RBFOX1: variants seen among roughly 807,000 people sequenced by gnomAD.
RBFOX1 encodes the protein RNA binding protein fox-1 homolog 1.
RBFOX1 carries 8 observed loss-of-function variants against 57.7 expected under a neutral mutation model. The ratio of observed to expected loss-of-function variants is 0.14; its 90% CI spans 0.08 to 0.25. The LOEUF is 0.25. Among genes scored for constraint, RBFOX1 ranks in the 10% least tolerant of loss-of-function variants. RBFOX1 has a pLI of 1.00. For missense variants in RBFOX1, 611 were observed against 548.5 expected, an observed-to-expected ratio of 1.11 and a Z score of -1.14; for synonymous variants, 326 against 222.4, an observed-to-expected ratio of 1.47 and a Z score of -4.15.
intron 4 of RBFOX1, among the ~76,000 whole-genome samples, chr16:7,162,013 C>T (rs1338492931): frequency 6.6e-6 from 1 of 152,178 alleles, no homozygotes; most frequent in Admixed American, 6.5e-5. Flanking sequence ...GTAAGGTTTT[C>T]CCACTGGGGC....
intron 3 of RBFOX1, among the ~76,000 whole-genome samples, chr16:7,028,609 CAAAAAAAAAA>C (rs869138217): frequency 0.013 from 598 of 45,418 alleles, 4 homozygotes; most frequent in African/African-American, 0.048. Context: ...CACACACACA[CAAAAAAAAAA>C]AAAAAAAAAA....
At chr16:6,575,470 G>A (rs1474036820) in intron 2 of RBFOX1, among the ~76,000 whole-genome samples, 1 of 152,134 alleles carries the variant, frequency 6.6e-6, no homozygotes. Flanking sequence ...CACATTTCTG[G>A]TCATAAAAGC....
chr16:5,700,995 G>C (rs752999660), intron 3 of RBFOX1, among the ~76,000 whole-genome samples: 1 of 152,082 alleles, frequency 6.6e-6, no homozygotes, highest in Admixed American at 6.5e-5. Context: ...AATGACACTG[G>C]GTAGGCAAAA....
chr16:7,154,660 T>G (rs527967731), intron 4 of RBFOX1, among the ~76,000 whole-genome samples: 1 of 151,554 alleles, frequency 6.6e-6, no homozygotes, highest in Non-Finnish European at 1.5e-5. Context: ...AAACTTAGTT[T>G]GGGAAATGGC....
At chr16:6,379,797 C>T (rs1372706543) in intron 2 of RBFOX1, among the ~76,000 whole-genome samples, 2 of 151,894 alleles carry the variant, frequency 1.3e-5, no homozygotes, top group Non-Finnish European at 2.9e-5. Context: ...GTCAGTTCCA[C>T]TAAGTTTTGT....
chr16:7,572,400 A>G (rs1287862983), intron 5 of RBFOX1, among the ~76,000 whole-genome samples: 1 of 152,182 alleles, frequency 6.6e-6, no homozygotes, highest in African/African-American at 2.4e-5. Flanking sequence ...AGCAGTTTCA[A>G]GTGGTACAGT....
chr16:7,499,895 GAAA>G (rs781549159), intron 4 of RBFOX1, among the ~76,000 whole-genome samples: 2 of 140,264 alleles, frequency 1.4e-5, no homozygotes, highest in African/African-American at 5.2e-5. Flanking sequence ...GCAAAAAAAA[GAAA>G]AAAAAAAAAC....
At chr16:5,723,952 C>T (rs564985589) in intron 3 of RBFOX1, among the ~76,000 whole-genome samples, 16 of 152,314 alleles carry the variant, frequency 1.1e-4, no homozygotes, top group African/African-American at 3.1e-4. Context: ...AAAACAGACT[C>T]GGCTTTGAAA....
At chr16:6,804,067 C>G (rs1268164040) in intron 3 of RBFOX1, among the ~76,000 whole-genome samples, 7 of 151,932 alleles carry the variant, frequency 4.6e-5, no homozygotes, top group African/African-American at 1.5e-4. Flanking sequence ...AGTGCAATGA[C>G]ATGATCTCAG....
intron 1 of RBFOX1, among the ~76,000 whole-genome samples, chr16:6,230,840 A>G (rs1165963835): frequency 6.6e-6 from 1 of 152,190 alleles, no homozygotes; most frequent in Non-Finnish European, 1.5e-5. Context: ...CTAAAGAAAC[A>G]TATACATAAA....
At chr16:5,283,840 T>C (rs575293158) in intron 1 of RBFOX1, among the ~76,000 whole-genome samples, 1 of 152,158 alleles carries the variant, frequency 6.6e-6, no homozygotes, top group Non-Finnish European at 1.5e-5. Context: ...TCTCAGTTAA[T>C]GCTGAACTTA....
intron 3 of RBFOX1, among the ~76,000 whole-genome samples, chr16:5,783,285 A>G (rs926361797): frequency 2.6e-5 from 4 of 152,222 alleles, no homozygotes; most frequent in African/African-American, 4.8e-5. Context: ...TGTATAAGAT[A>G]TCTCTCTCCT....
intron 3 of RBFOX1, among the ~76,000 whole-genome samples, chr16:6,870,168 T>C (rs956851777): frequency 3.3e-5 from 5 of 152,152 alleles, no homozygotes; most frequent in African/African-American, 1.2e-4. Context: ...GATGAATGAG[T>C]TTAGGGTTTG....
intron 3 of RBFOX1, among the ~76,000 whole-genome samples, chr16:7,015,479 C>T (rs1413761760): frequency 1.3e-5 from 2 of 152,110 alleles, no homozygotes; most frequent in African/African-American, 2.4e-5. Context: ...CATCAGTGTT[C>T]AGACAGAGGC....
Position 6,779,773 on chromosome 16 carries a change from ATTTATATATATTTTTATATATACT to A in RBFOX1, c.-16+125133_-16+125156del, listed in dbSNP as rs2080072925. Among the ~76,000 whole-genome samples the A allele has an allele frequency of 3.2e-4, 2 of 6,346 alleles. 1 individual carries two copies. Among genetic ancestry groups the A allele is most frequent in the South Asian group, 8.1e-3 (2 of 248 alleles). 4.2% of individuals were successfully genotyped at this position (6,346 alleles called of 152,430 possible). A position where few individuals can be genotyped will look rare whatever the true frequency, so the allele number is the denominator to read the frequency against. Reference sequence around the variant, plus strand: ...TATACTTTTATATATTTATATATATATTTATATATATTTTTATATATACTTTTATATATTTATATATATATTTAT... The same window carrying A: ...TATACTTTTATATATTTATATATATATTTATATATTTATATATATATTTAT... On this transcript the variant is annotated intron_variant, in intron 3 of 15. Coordinates refer to ENST00000550418, the MANE Select transcript of RBFOX1 (RefSeq NM_018723.4).
intron 2 of RBFOX1, among the ~76,000 whole-genome samples, chr16:5,476,857 C>T (rs2069343026): frequency 6.6e-6 from 1 of 152,130 alleles, no homozygotes; most frequent in Admixed American, 6.5e-5. Context: ...GGCAGCCCTC[C>T]AAGTTAACCT....
intron 3 of RBFOX1, among the ~76,000 whole-genome samples, chr16:6,892,147 C>CA (rs1356114608): frequency 9.2e-5 from 14 of 152,236 alleles, no homozygotes; most frequent in Non-Finnish European, 4.4e-5. Context: ...TTGGTGATTG[C>CA]AGACCCTCTT....
chr16:7,023,548 G>A (rs1211631990), intron 3 of RBFOX1, among the ~76,000 whole-genome samples: 9 of 102,868 alleles, frequency 8.7e-5, no homozygotes, highest in African/African-American at 3.1e-4. Flanking sequence ...CCAACATGGT[G>A]AAACTTCGTC....
intron 3 of RBFOX1, among the ~76,000 whole-genome samples, chr16:5,779,529 A>T (rs1024784737): frequency 3.9e-5 from 6 of 152,192 alleles, no homozygotes; most frequent in Non-Finnish European, 7.3e-5. Context: ...GAAACTACAG[A>T]ATCAAACGTC....
Sources: gnomAD v4.1 joint callset for allele counts (sites outside exome capture counted in the v4.1 genomes callset) on GRCh38, gnomAD v4.1.1 for gene constraint, MANE v1.5 for transcripts, NCBI Gene and HGNC (gene_info 2026-07-23, HGNC 2026-07-21) for gene names.